Variants in SPECC1 observed in about 807,000 individuals in gnomAD.
The protein encoded by SPECC1 is sperm antigen with calponin homology and coiled-coil domains 1.
Under a neutral mutation model 104.1 loss-of-function variants are expected in SPECC1, and 62 were observed. The ratio of observed to expected loss-of-function variants is 0.60; its 90% CI spans 0.49 to 0.74. The LOEUF is 0.74. SPECC1 is among the 30% of genes least tolerant of loss of function. The pLI, the probability that SPECC1 is intolerant of heterozygous loss-of-function variation, is 0.00. For missense variants in SPECC1, 1,306 were observed against 1,310.5 expected (o/e 1.00, Z 0.05); for synonymous variants, 513 against 501.6 (o/e 1.02, Z -0.30).
chr17:20,287,908 A>G (rs563024260), intron 12 of SPECC1, among the ~76,000 whole-genome samples: 2 of 152,210 alleles, frequency 1.3e-5, no homozygotes, highest in South Asian at 4.2e-4. Context: ...TCACCTAGGT[A>G]TTAAGCTCAA....
chr17:20,281,954 C>T (rs968945841), intron 12 of SPECC1, among the ~76,000 whole-genome samples: 3 of 152,206 alleles, frequency 2.0e-5, no homozygotes, highest in African/African-American at 7.2e-5. Flanking sequence ...CTGGGAGGCC[C>T]CTGCTGAGCC....
intron 13 of SPECC1, among the ~76,000 whole-genome samples, chr17:20,298,948 A>AGT (rs1555535565): frequency 0.017 from 838 of 49,052 alleles, 29 homozygotes; most frequent in Admixed American, 0.024. Flanking sequence ...AGAGAGAGAG[A>AGT]GTGTGTGTGT....
chr17:20,269,871 T>C (rs28831144), intron 12 of SPECC1, among the ~76,000 whole-genome samples: 12,037 of 152,206 alleles, frequency 0.079, 669 homozygotes, highest in African/African-American at 0.16. Flanking sequence ...CATGACTCCA[T>C]GCTGCGTCCT....
chr17:20,216,079 A>G (rs2037471296), intron 4 of SPECC1, among the ~76,000 whole-genome samples: 1 of 152,232 alleles, frequency 6.6e-6, no homozygotes, highest in African/African-American at 2.4e-5. Context: ...TAACATATGA[A>G]GAGAGGGAGA....
chr17:20,019,007 G>A (rs1376808954), intron 1 of SPECC1, among the ~76,000 whole-genome samples: 2 of 152,094 alleles, frequency 1.3e-5, no homozygotes, highest in African/African-American at 4.8e-5. Flanking sequence ...AGGTTGGATG[G>A]TGGGAACCCT....
chr17:20,015,822 GAT>G (rs978199143), intron 1 of SPECC1, among the ~76,000 whole-genome samples: 1 of 149,462 alleles, frequency 6.7e-6, no homozygotes, highest in African/African-American at 2.4e-5. Flanking sequence ...CTGACCTCGT[GAT>G]CCGCCCGCCT....
rs115973985 is a variant in SPECC1, at chr17:20,146,017, C to T, written c.283+35455C>T. Among the ~76,000 whole-genome samples, 593 of 152,288 alleles carry T rather than the reference C, an allele frequency of 3.9e-3. 4 individuals are homozygous for T. Among genetic ancestry groups the T allele is most frequent in the African/African-American group, 0.014 (574 of 41,550 alleles). ...CACCTCCAGACTCCCAAGTTACTAA[C>T]TTCTTGCATTAGGATGGTACATTTC... On this transcript the variant is annotated intron_variant, in intron 3 of 14. Transcript: ENST00000395527.
intron 3 of SPECC1, among the ~76,000 whole-genome samples, chr17:20,125,735 C>A (rs1158683317): frequency 6.6e-6 from 1 of 152,180 alleles, no homozygotes; most frequent in Non-Finnish European, 1.5e-5. Context: ...AATATTCGAT[C>A]GTCTGGATAG....
chr17:20,044,518 G>A (rs562135530), intron 1 of SPECC1, among the ~76,000 whole-genome samples: 28 of 152,250 alleles, frequency 1.8e-4, no homozygotes, highest in Middle Eastern at 3.4e-3. Flanking sequence ...GGAAAAGAGC[G>A]TGATGGTGTT....
intron 4 of SPECC1, among the ~76,000 whole-genome samples, chr17:20,207,224 T>C (rs552594721): frequency 1.2e-3 from 180 of 152,342 alleles, no homozygotes; most frequent in Non-Finnish European, 1.3e-4. Context: ...CTCCACTGCT[T>C]CGTCTGTCTT....
At chr17:20,119,778 T>C (rs1458480107) in intron 3 of SPECC1, among the ~76,000 whole-genome samples, 1 of 152,222 alleles carries the variant, frequency 6.6e-6, no homozygotes, top group Non-Finnish European at 1.5e-5. Context: ...ATTTTGTCTA[T>C]TTTACATGCG....
At chr17:20,257,372 A>G (rs2039870250) in intron 10 of SPECC1, 79 bp from the exon 11 acceptor site, 6 of 1,455,150 alleles carry the variant, frequency 4.1e-6, no homozygotes. Flanking sequence ...TGAGAACTGT[A>G]TTGTATTTGA....
At chr17:20,254,909 T>C (rs772930253) in intron 10 of SPECC1, among the ~76,000 whole-genome samples, 12 of 152,160 alleles carry the variant, frequency 7.9e-5, no homozygotes, top group Non-Finnish European at 1.5e-4. Context: ...TAAATAAGGA[T>C]TTTAGAGTTG....
chr17:20,164,859 G>T (rs983434618), intron 3 of SPECC1, among the ~76,000 whole-genome samples: 4 of 152,042 alleles, frequency 2.6e-5, no homozygotes, highest in African/African-American at 4.8e-5. Context: ...ACCCCCATTC[G>T]AACGGCCATA....
At position 20,164,074 on chromosome 17, in the gene SPECC1, T is replaced by C. The variant is rs554865370; in HGVS notation, c.284-40259T>C. 5.9e-5 allele frequency among the ~76,000 whole-genome samples: 9 copies of C among 152,336 alleles called. No individual in the cohort carries two copies. In the South Asian group the frequency reaches 1.9e-3, roughly 32 times the overall value. ...TCTATTACTACTTGTCTGATTCTTT[T>C]GATTATTTCCCCACTTGTTCTAAAT... On this transcript the variant is annotated intron_variant, in intron 3 of 14. Transcript: ENST00000395527.
intron 1 of SPECC1, among the ~76,000 whole-genome samples, chr17:20,015,980 G>A (rs527870148): frequency 6.6e-6 from 1 of 150,714 alleles, no homozygotes; most frequent in South Asian, 2.1e-4. Context: ...GGGAGGCCGA[G>A]GCGGATGGAT....
intron 12 of SPECC1, among the ~76,000 whole-genome samples, chr17:20,283,779 A>C (rs1020870566): frequency 6.6e-6 from 1 of 152,000 alleles, no homozygotes; most frequent in Non-Finnish European, 1.5e-5. Flanking sequence ...GGTAGAGATG[A>C]GGTTTCGCCA....
chr17:20,185,012 CTG>C (rs1417055344), intron 3 of SPECC1: 1 of 152,244 alleles, frequency 6.6e-6, no homozygotes. Flanking sequence ...GCTGTCTTCA[CTG>C]TGTTTTTGGA....
At chr17:20,046,902 C>T (rs777934161) in intron 1 of SPECC1, among the ~76,000 whole-genome samples, 7 of 151,448 alleles carry the variant, frequency 4.6e-5, no homozygotes, top group Non-Finnish European at 8.8e-5. Flanking sequence ...TAGACCAGTG[C>T]GCACTGGAGG....
Sources: allele counts gnomAD v4.1 joint callset (sites outside exome capture counted in the v4.1 genomes callset), GRCh38; gene constraint gnomAD v4.1.1; transcripts MANE v1.5; gene names NCBI Gene and HGNC (gene_info 2026-07-23, HGNC 2026-07-21).